The following SEPTIN4 variants were observed in gnomAD, a reference collection of about 807,000 sequenced individuals.
SEPTIN4 encodes septin 4, also known as septin-4.
In SEPTIN4, 52 loss-of-function variants were observed where a neutral mutation model predicts 107.1. That is an observed-to-expected ratio of 0.49 (90% CI 0.39 to 0.61). SEPTIN4 has a LOEUF of 0.61. Ranked by LOEUF, SEPTIN4 falls within the 20% of genes least tolerant of loss-of-function variation. The pLI is 0.00. For missense variants in SEPTIN4, 1,048 were observed against 1,243.5 expected (o/e 0.84, Z 2.36); for synonymous variants, 417 against 467.0 (o/e 0.89, Z 1.38).
At chr17:58,532,144 G>T in intron 3 of SEPTIN4, 3 of 1,033,786 alleles carry the variant, frequency 2.9e-6, no homozygotes, top group Non-Finnish European at 3.5e-6. Flanking sequence ...CTGTACCTCA[G>T]CTGCTAGCGG....
rs566878830 is a variant in SEPTIN4, at chr17:58,526,901, G to A, written c.1692C>T (p.Ser564=). 6.2e-7 allele frequency: 1 copy of A among 1,614,146 alleles called. No individual in the cohort carries two copies. Among genetic ancestry groups the A allele is most frequent in the South Asian group, 1.1e-5 (1 of 91,084 alleles). ...KFVKDFSGNA[S]CHPPEAKTWA... ...AGGTCTTAGCCTCTGGTGGGTGGCA[G>A]CTCGCATTTCCTGAGAAATCCTTCA... The change falls in exon 4 of 14, where the codon AGC becomes AGT. Residue 564 remains serine (S), a synonymous_variant. Transcript: ENST00000672673.
intron 3 of SEPTIN4, chr17:58,529,028 A>C: frequency 6.5e-7 from 1 of 1,528,190 alleles, no homozygotes; most frequent in Non-Finnish European, 9.1e-7. Context: ...CCAGTGACCA[A>C]ATCATTTTCT....
intron 7 of SEPTIN4, among the ~76,000 whole-genome samples, chr17:58,523,277 AGGTG>A (rs982279921): frequency 1.3e-5 from 2 of 150,710 alleles, no homozygotes; most frequent in Admixed American, 6.6e-5. Flanking sequence ...TGGGAGGTTG[AGGTG>A]GGAAGATAAC....
At chr17:58,535,003 C>T (rs1221236006) in intron 3 of SEPTIN4, among the ~76,000 whole-genome samples, 1 of 152,236 alleles carries the variant, frequency 6.6e-6, no homozygotes, top group Non-Finnish European at 1.5e-5. Flanking sequence ...TAAAGTGGCG[C>T]AAGAACTAAT....
At chr17:58,541,565 A>G in intron 2 of SEPTIN4, 1 of 415,898 alleles carries the variant, frequency 2.4e-6, no homozygotes, top group Non-Finnish European at 4.3e-6. Context: ...ATTAGCGTGA[A>G]GTCAACTCTG....
rs367556501 is a variant in SEPTIN4 at position 58,543,264 on chromosome 17, G to A, written c.923C>T (p.Ser308Phe). 99 of 1,614,052 alleles carry A rather than the reference G, an allele frequency of 6.1e-5. No individual in the cohort carries two copies. The highest frequency in any genetic ancestry group is 8.1e-5 in the Non-Finnish European group (95 of 1,180,052). The change falls in exon 1 of 14, where the codon TCC becomes TTC. Residue 308 changes from serine to phenylalanine, a missense_variant. Coordinates refer to ENST00000672673, the MANE Select transcript of SEPTIN4 (RefSeq NM_001368771.2). ...KYSAYPETKP[S>F]AKVLVSSQVE... The stretch of plus-strand genomic sequence containing the variant: ...CTGTGATGATACTAAGACCTTTGCG[G>A]AGGGCTTGGTTTCAGGATAGGCAGA...
In SEPTIN4 at chr17:58,543,428, G is replaced by C. The variant is rs372542161; in HGVS notation, c.759C>G (p.Tyr253Ter). Residue 253 changes from tyrosine to a stop codon, truncating the protein, a stop_gained, in exon 1 of 14, where the codon TAC becomes TAG. Transcript: ENST00000672673. LOFTEE classifies it high-confidence loss of function. ...CCTTGGGTTTTGAAGGAATTGGACC[G>C]TAAGGACCTGTTTCTGATTCTTCTA... ...VPVEESETGP[Y>*]GPIPSKPKAL... 6.2e-7 allele frequency: 1 copy of C among 1,614,158 alleles called. No individual in the cohort carries two copies. The highest frequency in any genetic ancestry group is 1.1e-5 in the South Asian group (1 of 91,084).
At chr17:58,533,032 ACT>A (rs2144213851) in intron 3 of SEPTIN4, among the ~76,000 whole-genome samples, 1 of 152,088 alleles carries the variant, frequency 6.6e-6, no homozygotes, top group South Asian at 2.1e-4. Flanking sequence ...GCCTGAATAC[ACT>A]CTGGACAAAA....
intron 3 of SEPTIN4, among the ~76,000 whole-genome samples, chr17:58,533,327 CA>C (rs1360450671): frequency 6.6e-6 from 1 of 152,166 alleles, no homozygotes; most frequent in Admixed American, 6.5e-5. Flanking sequence ...TGGCCTTGAG[CA>C]ACTTACTTCA....
chr17:58,542,527 C>T, intron 1 of SEPTIN4, 99 bp downstream of exon 1: 2 of 1,463,954 alleles, frequency 1.4e-6, no homozygotes, highest in Non-Finnish European at 1.8e-6. Context: ...AGGAGAGCAG[C>T]CCTTAGGCCC....
chr17:58,521,617 G>T lies in SEPTIN4; in HGVS notation c.2499C>A (p.Ile833=), dbSNP rs1314908176. The change falls in exon 10 of 14, where the codon ATC becomes ATA. Residue 833 remains isoleucine (I), a synonymous_variant. Transcript: ENST00000672673. This position sits in a 1 kb window ranked among gnomAD's most constrained non-coding sequence, Gnocchi z 6.4. ...KIREEIEHFG[I]KIYQFPDCDS... ...CACAGTCTGGGAATTGATAGATCTT[G>T]ATTCCAAAATGCTCAATCTCCTCCC... 2.5e-6 allele frequency: 4 copies of T among 1,614,092 alleles called. No individual in the cohort carries two copies. Among genetic ancestry groups the T allele is most frequent in the Admixed American group, 1.7e-5 (1 of 60,006 alleles).
chr17:58,542,755 C>G lies in SEPTIN4; in HGVS notation c.1432G>C (p.Glu478Gln), dbSNP rs773458560. The change falls in exon 1 of 14, where the codon GAG (glutamate) becomes CAG (glutamine). Residue 478 changes from glutamate to glutamine, a missense_variant. By Grantham distance (29) the Glu-to-Gln change is conservative. Transcript: ENST00000672673. ...GATGGTGGTGATAGGCTTGCCTTCTCTCTCTGGAACTTCAGATCCTCACAG... is the reference window on the plus strand; with the variant it reads ...GATGGTGGTGATAGGCTTGCCTTCTGTCTCTGGAACTTCAGATCCTCACAG... ...PFCEDLKFQR[E>Q]KASLSPPSPP... is the part of the protein sequence containing the mutation. 6.2e-7 allele frequency: 1 copy of G among 1,614,198 alleles called. No homozygotes were observed. Among genetic ancestry groups the G allele is most frequent in the South Asian group, 1.1e-5 (1 of 91,078 alleles).
At position 58,521,779 on chromosome 17, in the gene SEPTIN4, G is replaced by C. The variant is rs973945363; in HGVS notation, c.2426C>G (p.Ala809Gly). Residue 809 changes from alanine (A) to glycine (G), a missense_variant, in exon 9 of 14, where the codon GCA becomes GGA. By Grantham distance (60) the Ala-to-Gly change is moderately conservative. Around this residue, in one of 2 missense-constraint regions of SEPTIN4, gnomAD observed 261 missense variants for 371.7 expected, o/e 0.70. Transcript: ENST00000672673. This position sits in a 1 kb window ranked among gnomAD's most constrained non-coding sequence, Gnocchi z 6.4. The part of the protein sequence containing the change: ...RVNIVPILAK[A>G]DTLTPPEVDH... ...CACTTCGGGAGGTGTCAGTGTGTCT[G>C]CCTTAGCCAGGATAGGCACGATGTT... is the stretch of plus-strand genomic sequence containing the variant. The C allele has an allele frequency of 6.2e-7, 1 of 1,614,100 alleles. No individual in the cohort carries two copies. Among genetic ancestry groups the C allele is most frequent in the Non-Finnish European group, 8.5e-7 (1 of 1,180,054 alleles).
chr17:58,541,789 G>T (rs753960646), intron 2 of SEPTIN4, 133 bp downstream of exon 2: 2 of 1,602,866 alleles, frequency 1.2e-6, no homozygotes, highest in Admixed American at 3.4e-5. Context: ...AAGTTCCTCT[G>T]CTTCTTCAGG....
At chr17:58,537,988 G>A (rs2043775170) in intron 3 of SEPTIN4, among the ~76,000 whole-genome samples, 3 of 152,168 alleles carry the variant, frequency 2.0e-5, no homozygotes, top group Admixed American at 6.5e-5. Flanking sequence ...CAACTACTCA[G>A]GAGGCTGAGG....
In SEPTIN4 at chr17:58,521,995, G is replaced by A; in HGVS notation, c.2323C>T (p.Leu775=). Residue 775 remains leucine (L), a synonymous_variant, in exon 8 of 14, where the codon CTG becomes TTG. Transcript: ENST00000672673. The surrounding 1 kb of genome is among the most constrained non-coding windows in gnomAD (Gnocchi z 6.4). ...NIQDNRVHCC[L]YFISPFGHGL... ...TGGCCGAAGGGTGAGATGAAGTACA[G>A]GCAGCAGTGCACCCTGTTGTCTTGG... 1 of 1,614,244 alleles carries A rather than the reference G, an allele frequency of 6.2e-7. No homozygotes were observed.
At chr17:58,537,645 C>T (rs1244678278) in intron 3 of SEPTIN4, among the ~76,000 whole-genome samples, 1 of 152,132 alleles carries the variant, frequency 6.6e-6, no homozygotes, top group Non-Finnish European at 1.5e-5. Flanking sequence ...GCCTGACCAA[C>T]TTGGTGAAAC....
At chr17:58,526,135 C>A in intron 5 of SEPTIN4, 85 bp downstream of exon 5, 1 of 1,459,084 alleles carries the variant, frequency 6.9e-7, no homozygotes, top group Non-Finnish European at 9.1e-7. Context: ...CTCCCTGCGA[C>A]CTATACTCCC....
rs1349932102 is a variant in SEPTIN4, at chr17:58,526,993, G to T, written c.1615-15C>A. On this transcript the variant is annotated splice_polypyrimidine_tract_variant and intron_variant, in intron 3 of 13. Transcript: ENST00000672673. ...AAACGCTTGATCTGGGGGAAGCGGG[G>T]TGGGTAGAATAGATGGGTGGTGCCG... 3 of 1,613,872 alleles carry T rather than the reference G, an allele frequency of 1.9e-6. No individual in the cohort carries two copies. The highest frequency in any genetic ancestry group is 3.3e-5 in the Admixed American group (2 of 59,986).
Sources: allele counts gnomAD v4.1 joint callset (sites outside exome capture counted in the v4.1 genomes callset), GRCh38; gene constraint gnomAD v4.1.1; regional missense constraint gnomAD v4.1.1; non-coding constraint Gnocchi (gnomAD v3.1); transcripts MANE v1.5; gene names NCBI Gene and HGNC (gene_info 2026-07-23, HGNC 2026-07-21).